Variants in BNIP5 observed in about 807,000 individuals in gnomAD.
BNIP5 encodes the protein protein BNIP5.
In BNIP5, 61 loss-of-function variants were observed where a neutral mutation model predicts 67.3. The observed-to-expected ratio is 0.91, with a 90% confidence interval of 0.74 to 1.12. The LOEUF (loss-of-function observed/expected upper bound fraction) is 1.12. BNIP5 is among the 50% of genes most tolerant of loss of function. The pLI, the probability that BNIP5 is intolerant of heterozygous loss-of-function variation, is 0.00. For missense variants in BNIP5, 826 were observed against 816.3 expected, an observed-to-expected ratio of 1.01 and a Z score of -0.14; for synonymous variants, 317 against 319.0, an observed-to-expected ratio of 0.99 and a Z score of 0.07.
intron 11 of BNIP5, 69 bp from the exon 12 acceptor site, chr6:36,317,460 C>G: frequency 7.1e-7 from 1 of 1,404,682 alleles, no homozygotes; most frequent in Non-Finnish European, 1.0e-6. Flanking sequence ...CTGGAAACAA[C>G]AGACTTCCCA....
chr6:36,326,536 T>C lies in BNIP5; in HGVS notation c.1010A>G (p.His337Arg). 1 of 1,614,252 alleles carries C rather than the reference T, an allele frequency of 6.2e-7. No homozygotes were observed. Among genetic ancestry groups the C allele is most frequent in the Non-Finnish European group, 8.5e-7 (1 of 1,180,046 alleles). ...ATAGCTGCTGGAGATGGAAGGCCGA[T>C]GGCCGCTGACACACAGGGGCAGAAA... ...SSFLPLCVSG[H>R]RPSISSSYGL... is the part of the protein sequence containing the mutation. The change falls in exon 5 of 12, where the codon CAT becomes CGT. Residue 337 changes from histidine (H) to arginine (R), a missense_variant. Coordinates refer to ENST00000437635, the MANE Select transcript of BNIP5 (RefSeq NM_001010903.5).
chr6:36,332,676 T>C (rs1285039515), intron 1 of BNIP5, among the ~76,000 whole-genome samples: 1 of 151,938 alleles, frequency 6.6e-6, no homozygotes, highest in Non-Finnish European at 1.5e-5. Flanking sequence ...CCATCCAGAA[T>C]GAAGCAGCGG....
intron 5 of BNIP5, 147 bp downstream of exon 5, chr6:36,326,363 A>G (rs1235862795): frequency 9.9e-7 from 1 of 1,014,138 alleles, no homozygotes; most frequent in Non-Finnish European, 1.4e-6. Flanking sequence ...CTGTCTTCCC[A>G]CAGTCATCCT....
rs1327080672 is a variant in BNIP5 at position 36,327,042 on chromosome 6, C to T, written c.780G>A (p.Gln260=). The change falls in exon 4 of 12, where the codon CAG becomes CAA. Residue 260 remains glutamine (Q), a synonymous_variant. Transcript: ENST00000437635. The stretch of plus-strand genomic sequence containing the variant: ...GTTTACTCCTCACCTCTTCTTCCCA[C>T]TGGTCTCCCACTCTTTTGAGCAATT... ...IVELLKRVGD[Q]WEEEQSLASQ... 6.2e-7 allele frequency: 1 copy of T among 1,614,166 alleles called. No individual in the cohort carries two copies. Among genetic ancestry groups the T allele is most frequent in the South Asian group, 1.1e-5 (1 of 91,088 alleles).
At chr6:36,333,988 G>A (rs1044697579) in intron 1 of BNIP5, among the ~76,000 whole-genome samples, 6 of 152,200 alleles carry the variant, frequency 3.9e-5, no homozygotes, top group Admixed American at 2.6e-4. Flanking sequence ...CCCATCGCAC[G>A]GAGGACCGGC....
intron 11 of BNIP5, among the ~76,000 whole-genome samples, 180 bp downstream of exon 11, chr6:36,319,176 T>A (rs1771578802): frequency 6.6e-6 from 1 of 152,076 alleles, no homozygotes; most frequent in African/African-American, 2.4e-5. Flanking sequence ...AAGAAAAAGG[T>A]TGTCATGGTT....
intron 9 of BNIP5, among the ~76,000 whole-genome samples, chr6:36,321,740 C>T (rs1272874663): frequency 6.6e-6 from 1 of 152,222 alleles, no homozygotes; most frequent in Non-Finnish European, 1.5e-5. Flanking sequence ...CAGAGTCTCG[C>T]TCTGTCACCC....
intron 2 of BNIP5, among the ~76,000 whole-genome samples, chr6:36,329,806 CAAAAAGA>C (rs1364897222): frequency 7.0e-6 from 1 of 142,562 alleles, no homozygotes; most frequent in Non-Finnish European, 1.5e-5. Context: ...GGCTCCATCT[CAAAAAGA>C]AAAAAGAAAG....
Position 36,328,667 on chromosome 6 carries a change from T to G in BNIP5, c.658A>C (p.Thr220Pro), listed in dbSNP as rs749965668. 1 of 1,614,066 alleles carries G rather than the reference T, an allele frequency of 6.2e-7. No homozygotes were observed. The highest frequency in any genetic ancestry group is 8.5e-7 in the Non-Finnish European group (1 of 1,179,954). Residue 220 changes from threonine to proline, a missense_variant, in exon 3 of 12, where the codon ACT becomes CCT. Transcript: ENST00000437635. ...TGGGGAGAAACATCCAAAGCTCCAG[T>G]ACCATCCACTTTGATGAGGAAGGAC... ...HQSFLIKVDG[T>P]GALDVSPHAT...
Position 36,330,134 on chromosome 6 carries a change from T to A in BNIP5, c.557A>T (p.Lys186Met). Residue 186 changes from lysine to methionine, a missense_variant, in exon 2 of 12, where the codon AAG (lysine) becomes ATG (methionine). By Grantham distance (95) the Lys-to-Met change is moderately conservative. Transcript: ENST00000437635. ...EARGREEGLS[K>M]AAAALRSGEA... is the part of the protein sequence containing the mutation. ...CCCGGAGCGCAAGGCAGCAGCTGCC[T>A]TGGACAACCCTTCCTCTCGGCCTCT... 1 of 1,612,880 alleles carries A rather than the reference T, an allele frequency of 6.2e-7. No homozygotes were observed. Among genetic ancestry groups the A allele is most frequent in the Non-Finnish European group, 8.5e-7 (1 of 1,180,008 alleles).
intron 1 of BNIP5, 33 bp from the exon 2 acceptor site, chr6:36,330,727 T>TTTG (rs1275763183): frequency 8.6e-6 from 13 of 1,514,876 alleles, no homozygotes; most frequent in Non-Finnish European, 1.1e-5. Context: ...CCTTAGTTTT[T>TTTG]TTGTTTGTTT....
intron 7 of BNIP5, 132 bp from the exon 8 acceptor site, chr6:36,323,665 G>T: frequency 1.9e-6 from 2 of 1,026,692 alleles, no homozygotes; most frequent in Non-Finnish European, 2.9e-6. Flanking sequence ...CAGTGCTGGG[G>T]AAATATGTGT....
chr6:36,325,466 A>G (rs1418752438), intron 5 of BNIP5, 52 bp from the exon 6 acceptor site: 3 of 1,562,974 alleles, frequency 1.9e-6, no homozygotes, highest in Non-Finnish European at 1.7e-6. Context: ...GGGGCTGTTA[A>G]CTATGCACAG....
Position 36,324,128 on chromosome 6 carries a change from C to CCTCCT in BNIP5, c.1226_1230dup (p.Gln411ArgfsTer13). On this transcript the variant is annotated frameshift_variant and splice_region_variant. Coordinates refer to ENST00000437635, the MANE Select transcript of BNIP5 (RefSeq NM_001010903.5). LOFTEE classifies it high-confidence loss of function. ...GGTTACATGGGGAGCGTCTTCCTCA[C>CCTCCT]CTCCTCTCCTTGCTGTTCTTCTGCA... The CCTCCT allele has an allele frequency of 6.2e-7, 1 of 1,613,324 alleles. No homozygotes were observed.
In BNIP5 at chr6:36,330,197, G is replaced by A. The variant is rs769274950; in HGVS notation, c.494C>T (p.Ala165Val). 6.8e-6 allele frequency: 11 copies of A among 1,613,988 alleles called. No individual in the cohort carries two copies. The highest frequency in any genetic ancestry group is 3.3e-5 in the Admixed American group (2 of 60,002). Residue 165 changes from alanine (A) to valine (V), a missense_variant, in exon 2 of 12, where the codon GCG becomes GTG. Ala to Val is a moderately conservative substitution (Grantham distance 64). Transcript: ENST00000437635. ...SRKKQGHKKH[A>V]AEVTKAAQDQ... Reference sequence around the variant, plus strand: ...TTGAGCTGCCTTAGTCACCTCGGCCGCGTGTTTCTTGTGACCTTGCTTCTT... The same window carrying A: ...TTGAGCTGCCTTAGTCACCTCGGCCACGTGTTTCTTGTGACCTTGCTTCTT...
At position 36,317,244 on chromosome 6, in the gene BNIP5, A is replaced by G. The variant is rs1045194232; in HGVS notation, c.*112T>C. ...GAATGATTGTCTGCTCTTGTCTTCC[A>G]TCACGTTTGTGAAGCAGGGATTGGG... is the stretch of plus-strand genomic sequence containing the variant. On this transcript the variant is annotated 3_prime_UTR_variant, in exon 12 of 12. Transcript: ENST00000437635. The G allele has an allele frequency of 4.7e-6, 4 of 859,932 alleles. No individual in the cohort carries two copies. The highest frequency in any genetic ancestry group is 2.6e-5 in the South Asian group (2 of 75,610). 53.3% of individuals were successfully genotyped at this position (859,932 alleles called of 1,614,324 possible).
chr6:36,331,966 C>A (rs1771917112), intron 1 of BNIP5, among the ~76,000 whole-genome samples: 1 of 152,220 alleles, frequency 6.6e-6, no homozygotes, highest in African/African-American at 2.4e-5. Flanking sequence ...ACCACCACCT[C>A]CTAACTGACC....
At chr6:36,329,579 A>G (rs1231948891) in intron 2 of BNIP5, among the ~76,000 whole-genome samples, 1 of 152,088 alleles carries the variant, frequency 6.6e-6, no homozygotes, top group Admixed American at 6.5e-5. Flanking sequence ...AGGGGGCCAC[A>G]GCCCGTGGAT....
chr6:36,318,814 A>G (rs1013844860), intron 11 of BNIP5, among the ~76,000 whole-genome samples: 2 of 152,196 alleles, frequency 1.3e-5, no homozygotes, highest in Non-Finnish European at 2.9e-5. Context: ...AAATGCACTC[A>G]GAACAGTGAA....
Sources: allele counts gnomAD v4.1 joint callset (sites outside exome capture counted in the v4.1 genomes callset), GRCh38; gene constraint gnomAD v4.1.1; transcripts MANE v1.5; gene names NCBI Gene and HGNC (gene_info 2026-07-23, HGNC 2026-07-21).